The following REXO5 variants were observed in gnomAD, a reference collection of about 807,000 sequenced individuals.
The protein encoded by REXO5 is RNA exonuclease 5, also known as exonuclease NEF-sp.
A neutral mutation model predicts 88.5 loss-of-function variants in REXO5; 48 were observed. That is an observed-to-expected ratio of 0.54 (90% CI 0.43 to 0.69). The LOEUF (loss-of-function observed/expected upper bound fraction) is 0.69. REXO5 is among the 30% of genes least tolerant of loss of function. The pLI is 0.00. For missense variants in REXO5, 749 were observed against 912.2 expected (o/e 0.82, Z 2.30); for synonymous variants, 311 against 336.5 (o/e 0.92, Z 0.83).
intron 5 of REXO5, among the ~76,000 whole-genome samples, chr16:20,819,689 A>T (rs2081138941): frequency 6.6e-6 from 1 of 150,766 alleles, no homozygotes; most frequent in Non-Finnish European, 1.5e-5. Flanking sequence ...TGGGAGGCAG[A>T]GGTTACAGTG....
rs2081252657 is a variant in REXO5, at chr16:20,825,863, C to T, written c.736C>T (p.Arg246Cys). The change falls in exon 8 of 20, where the codon CGC becomes TGC. Residue 246 changes from arginine to cysteine, a missense_variant. By Grantham distance (180) the Arg-to-Cys change is radical. Transcript: ENST00000261377. Reference protein sequence around the residue: ...CLTSKGRELTRISLVAEGGCC... With the variant: ...CLTSKGRELTCISLVAEGGCC... The stretch of plus-strand genomic sequence containing the variant: ...CACATCCAAGGGGAGAGAGCTAACA[C>T]GCATCTCACTGGTTGCTGAAGGAGG... The T allele has an allele frequency of 1.5e-5, 24 of 1,613,964 alleles. No homozygotes were observed. The highest frequency in any genetic ancestry group is 1.8e-5 in the Non-Finnish European group (21 of 1,179,858).
chr16:20,816,306 T>A, intron 5 of REXO5, 94 bp downstream of exon 5: 1 of 1,050,658 alleles, frequency 9.5e-7, no homozygotes, highest in Non-Finnish European at 1.4e-6. Context: ...CAATTCTAAC[T>A]AGCTTAAGCA....
chr16:20,844,070 C>T lies in REXO5; in HGVS notation c.1719+44C>T, dbSNP rs770169637. ...GCCCCCTTTGCTTGGGTCTGGCCTA[C>T]CACAGCCTGTATTTATAGTGCCCCA... On this transcript the variant is annotated intron_variant, in intron 16 of 19. Transcript: ENST00000261377. 3.7e-5 allele frequency: 44 copies of T among 1,176,806 alleles called. No homozygotes were observed. In the South Asian group the frequency reaches 4.6e-4, roughly 12 times the overall value. 72.9% of individuals were successfully genotyped at this position (1,176,806 alleles called of 1,614,324 possible).
chr16:20,841,272 A>G (rs910696049), intron 15 of REXO5, among the ~76,000 whole-genome samples: 2 of 152,234 alleles, frequency 1.3e-5, no homozygotes, highest in Non-Finnish European at 2.9e-5. Flanking sequence ...TACCATATCA[A>G]TAGATAAAGT....
intron 5 of REXO5, 43 bp downstream of exon 5, chr16:20,816,255 G>T (rs1209973031): frequency 6.8e-7 from 1 of 1,463,224 alleles, no homozygotes. Flanking sequence ...CACTCTAAAA[G>T]ATACGGATAT....
chr16:20,837,337 C>G (rs2081448127), intron 13 of REXO5, among the ~76,000 whole-genome samples: 1 of 152,024 alleles, frequency 6.6e-6, no homozygotes, highest in African/African-American at 2.4e-5. Flanking sequence ...TTATTGGTAC[C>G]CAAGGCCCCT....
intron 11 of REXO5, among the ~76,000 whole-genome samples, chr16:20,829,152 G>A (rs933047356): frequency 4.6e-5 from 7 of 152,122 alleles, no homozygotes; most frequent in African/African-American, 1.7e-4. Context: ...CAATTTCTCT[G>A]AACAACATCA....
At chr16:20,809,431 A>G (rs2080963777) in intron 2 of REXO5, among the ~76,000 whole-genome samples, 1 of 152,208 alleles carries the variant, frequency 6.6e-6, no homozygotes, top group African/African-American at 2.4e-5. Context: ...GTTAAATTTA[A>G]TTGTCATGTC....
At position 20,815,030 on chromosome 16, in the gene REXO5, T is replaced by C. The variant is rs1276491813; in HGVS notation, c.355T>C (p.Cys119Arg). The change falls in exon 4 of 20, where the codon TGT becomes CGT. Residue 119 changes from cysteine (C) to arginine (R), a missense_variant. Physicochemically the swap from Cys to Arg is radical, Grantham distance 180 (BLOSUM62 -3). Coordinates refer to ENST00000261377, the MANE Select transcript of REXO5 (RefSeq NM_030941.3). ...TTACAGGTTCTATTTGGAGTTTGGA[T>C]GTCTTCGAAAAGCATTCAGACATGT... is the stretch of plus-strand genomic sequence containing the variant. ...HFYRFYLEFG[C>R]LRKAFRHKFR... The C allele has an allele frequency of 1.2e-6, 2 of 1,613,258 alleles. No homozygotes were observed. The highest frequency in any genetic ancestry group is 1.7e-6 in the Non-Finnish European group (2 of 1,179,904).
intron 5 of REXO5, among the ~76,000 whole-genome samples, chr16:20,817,414 G>T (rs2081097824): frequency 6.6e-6 from 1 of 152,180 alleles, no homozygotes; most frequent in African/African-American, 2.4e-5. Flanking sequence ...TCAGGAAAAA[G>T]AAATCTGACA....
chr16:20,813,094 A>G (rs1012107201), intron 2 of REXO5, 96 bp from the exon 3 acceptor site: 3 of 805,648 alleles, frequency 3.7e-6, no homozygotes, highest in African/African-American at 3.4e-5. Context: ...ATATACCTGT[A>G]TGTTAAAGTA....
chr16:20,832,969 T>C, intron 12 of REXO5, 34 bp from the exon 13 acceptor site: 7 of 1,589,998 alleles, frequency 4.4e-6, no homozygotes, highest in Non-Finnish European at 6.0e-6. Flanking sequence ...TGGAAAACTG[T>C]TGTTCTTACC....
chr16:20,811,620 G>C (rs2081000157), intron 2 of REXO5, among the ~76,000 whole-genome samples: 1 of 152,182 alleles, frequency 6.6e-6, no homozygotes, highest in Non-Finnish European at 1.5e-5. Context: ...CTGCATTCCA[G>C]TCTTGGTTCT....
At chr16:20,844,118 AG>A in intron 16 of REXO5, 92 bp downstream of exon 16, 1 of 743,150 alleles carries the variant, frequency 1.3e-6, no homozygotes, top group East Asian at 2.6e-5. Context: ...AACACTCTCA[AG>A]AGGCCCACGC....
At chr16:20,843,886 C>A in intron 15 of REXO5, 48 bp from the exon 16 acceptor site, 2 of 1,328,950 alleles carry the variant, frequency 1.5e-6, no homozygotes, top group Non-Finnish European at 2.2e-6. Flanking sequence ...CCTTCTTTAG[C>A]AGTTTGAGCT....
At chr16:20,827,528 G>A in intron 10 of REXO5, 81 bp downstream of exon 10, 1 of 1,007,402 alleles carries the variant, frequency 9.9e-7, no homozygotes, top group Non-Finnish European at 1.5e-6. Context: ...AATGCATATT[G>A]CAAAATTCAG....
chr16:20,807,254 C>T, intron 2 of REXO5, 163 bp downstream of exon 2: 1 of 790,932 alleles, frequency 1.3e-6, no homozygotes. Flanking sequence ...ATACCACCTT[C>T]CTGCAACAAG....
chr16:20,826,217 A>G (rs2081258206), intron 8 of REXO5, among the ~76,000 whole-genome samples: 1 of 152,228 alleles, frequency 6.6e-6, no homozygotes. Flanking sequence ...TATAATCATT[A>G]TCTACAACTG....
chr16:20,827,541 T>A (rs2081278051), intron 10 of REXO5, 94 bp downstream of exon 10: 2 of 893,946 alleles, frequency 2.2e-6, no homozygotes, highest in South Asian at 3.1e-5. Flanking sequence ...AAATTCAGGG[T>A]TTCTGCTCTC....
Sources: gnomAD v4.1 joint callset for allele counts (sites outside exome capture counted in the v4.1 genomes callset) on GRCh38, gnomAD v4.1.1 for gene constraint, MANE v1.5 for transcripts, NCBI Gene and HGNC (gene_info 2026-07-23, HGNC 2026-07-21) for gene names.